CDH6: variants seen among roughly 807,000 people sequenced by gnomAD.
CDH6 encodes cadherin-6.
CDH6 carries 31 observed loss-of-function variants against 78.0 expected under a neutral mutation model. The ratio of observed to expected loss-of-function variants is 0.40; its 90% CI spans 0.30 to 0.54. The LOEUF (loss-of-function observed/expected upper bound fraction) is 0.54, where lower values mean the gene tolerates loss of function less well. CDH6 is among the 20% of genes least tolerant of loss of function. The pLI, the probability that CDH6 is intolerant of heterozygous loss-of-function variation, is 0.56. For missense variants in CDH6, 724 were observed against 975.9 expected (o/e 0.74, Z 3.44); for synonymous variants, 376 against 368.8 (o/e 1.02, Z -0.23).
At position 31,324,034 on chromosome 5, in the gene CDH6, AG is replaced by A. The variant is rs1561076608; in HGVS notation, c.*731del. ...GAAAGTTTGCCTTTGTACCATATAA[AG>A]GGGGAGGGAAATAGCTAATAATGTT... On this transcript the variant is annotated 3_prime_UTR_variant, in exon 12 of 12. Coordinates refer to ENST00000265071, the MANE Select transcript of CDH6 (RefSeq NM_004932.4). 3 of 225,754 alleles carry A rather than the reference AG, an allele frequency of 1.3e-5. No individual in the cohort carries two copies. The highest frequency in any genetic ancestry group is 6.7e-5 in the African/African-American group (3 of 45,018). 14.0% of individuals were successfully genotyped at this position (225,754 alleles called of 1,614,324 possible). A position where few individuals can be genotyped will look rare whatever the true frequency, so the allele number is the denominator to read the frequency against.
intron 1 of CDH6, among the ~76,000 whole-genome samples, chr5:31,219,074 G>A (rs536524942): frequency 1.3e-5 from 2 of 152,306 alleles, no homozygotes; most frequent in African/African-American, 2.4e-5. Flanking sequence ...CTTCCATAAT[G>A]TAGGAGGGCC....
At chr5:31,290,921 C>G (rs940879531) in intron 2 of CDH6, among the ~76,000 whole-genome samples, 1 of 152,224 alleles carries the variant, frequency 6.6e-6, no homozygotes, top group African/African-American at 2.4e-5. Flanking sequence ...CTTGCTCACA[C>G]TCTTCTCACT....
At chr5:31,203,410 A>G (rs1340394707) in intron 1 of CDH6, among the ~76,000 whole-genome samples, 1 of 82,696 alleles carries the variant, frequency 1.2e-5, no homozygotes, top group African/African-American at 4.9e-5. Flanking sequence ...CCCCCACCCC[A>G]CAACAGTCCC....
intron 1 of CDH6, among the ~76,000 whole-genome samples, chr5:31,201,872 A>C (rs1381116551): frequency 1.3e-5 from 2 of 152,194 alleles, no homozygotes; most frequent in Non-Finnish European, 2.9e-5. Context: ...ATTAAAACTT[A>C]CAGAGATTAA....
chr5:31,267,729 T>C, intron 2 of CDH6, 28 bp downstream of exon 2: 1 of 1,543,798 alleles, frequency 6.5e-7, no homozygotes, highest in Non-Finnish European at 9.0e-7. Flanking sequence ...GCTTTGACAT[T>C]CTGGGTTTAA....
At chr5:31,267,130 G>A (rs767359841) in intron 1 of CDH6, among the ~76,000 whole-genome samples, 31 of 152,030 alleles carry the variant, frequency 2.0e-4, no homozygotes, top group Non-Finnish European at 3.7e-4. Context: ...ATTTTTAAGC[G>A]GTAGAAAAGG....
At chr5:31,200,968 A>G (rs185618313) in intron 1 of CDH6, among the ~76,000 whole-genome samples, 1 of 152,300 alleles carries the variant, frequency 6.6e-6, no homozygotes, top group East Asian at 1.9e-4. Flanking sequence ...GAGATAACTG[A>G]TGACCAGAGA....
At chr5:31,282,768 G>C (rs1024784082) in intron 2 of CDH6, among the ~76,000 whole-genome samples, 14 of 152,168 alleles carry the variant, frequency 9.2e-5, no homozygotes, top group Non-Finnish European at 1.9e-4. Context: ...AAGGGAATTA[G>C]TAAATTTCTG....
intron 1 of CDH6, among the ~76,000 whole-genome samples, chr5:31,199,685 G>GTGTGTGTATATATATATATATA (rs796740950): frequency 1.3e-5 from 1 of 79,860 alleles, no homozygotes; most frequent in African/African-American, 4.7e-5. Context: ...GTGTGTGTGT[G>GTGTGTGTATATATATATATATA]TATATATATA....
At chr5:31,230,358 G>A (rs1406915430) in intron 1 of CDH6, among the ~76,000 whole-genome samples, 8 of 152,158 alleles carry the variant, frequency 5.3e-5, no homozygotes, top group African/African-American at 1.9e-4. Context: ...CACAGGCAGA[G>A]AATATCTTTT....
intron 11 of CDH6, among the ~76,000 whole-genome samples, chr5:31,320,883 G>T (rs1423480558): frequency 3.3e-5 from 5 of 151,780 alleles, no homozygotes; most frequent in Admixed American, 1.3e-4. Flanking sequence ...GGAGGCTGAG[G>T]CAGGAGAATT....
intron 1 of CDH6, among the ~76,000 whole-genome samples, chr5:31,226,966 G>C (rs1198680578): frequency 1.3e-5 from 2 of 152,242 alleles, no homozygotes; most frequent in Admixed American, 6.5e-5. Context: ...ATAAGAAAGG[G>C]CTGAGCCTGT....
chr5:31,224,587 C>G lies in CDH6; in HGVS notation c.-129+30701C>G, dbSNP rs184231416. Among the ~76,000 whole-genome samples, 201 of 152,298 alleles carry G rather than the reference C, an allele frequency of 1.3e-3. 1 individual carries two copies. The highest frequency in any genetic ancestry group is 4.6e-3 in the African/African-American group (191 of 41,556). On this transcript the variant is annotated intron_variant, in intron 1 of 11. Coordinates refer to ENST00000265071, the MANE Select transcript of CDH6 (RefSeq NM_004932.4). Reference sequence around the variant, plus strand: ...TGTTTGTCTGAGACAGGGTCTCACTCTGTCATCCAGGCTGGAGCACAGTGG... The same window carrying G: ...TGTTTGTCTGAGACAGGGTCTCACTGTGTCATCCAGGCTGGAGCACAGTGG...
chr5:31,255,657 A>T (rs1742035196), intron 1 of CDH6, among the ~76,000 whole-genome samples: 1 of 152,232 alleles, frequency 6.6e-6, no homozygotes, highest in Non-Finnish European at 1.5e-5. Context: ...ATTAGTGAAG[A>T]TGTCCACACC....
intron 11 of CDH6, among the ~76,000 whole-genome samples, chr5:31,319,255 G>A (rs58553870): frequency 0.019 from 2,825 of 152,104 alleles, 90 homozygotes; most frequent in African/African-American, 0.055. Context: ...ATCTACCTCC[G>A]CCTTTCATTT....
At chr5:31,255,102 T>G (rs1321687124) in intron 1 of CDH6, among the ~76,000 whole-genome samples, 1 of 152,240 alleles carries the variant, frequency 6.6e-6, no homozygotes, top group African/African-American at 2.4e-5. Context: ...TCTGATATTC[T>G]ACCATGGAAT....
At chr5:31,194,163 G>A (rs1284242956) in intron 1 of CDH6, among the ~76,000 whole-genome samples, 1 of 152,092 alleles carries the variant, frequency 6.6e-6, no homozygotes, top group Admixed American at 6.5e-5. Context: ...CCGCCGTGGG[G>A]CTGGGTGGGG....
chr5:31,279,518 C>A (rs928973017), intron 2 of CDH6, among the ~76,000 whole-genome samples: 11 of 152,158 alleles, frequency 7.2e-5, no homozygotes, highest in African/African-American at 2.6e-4. Flanking sequence ...CTGCAGTGAG[C>A]AAGATCATGC....
At position 31,237,271 on chromosome 5, in the gene CDH6, G is replaced by C. The variant is rs541691796; in HGVS notation, c.-128-30075G>C. ...AGGAGCTCTCAGTAGACTCTCAAGG[G>C]CATTGCACGAGGTAAGCAAATCTGT... On this transcript the variant is annotated intron_variant, in intron 1 of 11. Transcript: ENST00000265071. 2.0e-5 allele frequency among the ~76,000 whole-genome samples: 3 copies of C among 152,222 alleles called. No homozygotes were observed. The Middle Eastern group carries it at 0.01, about 518-fold the overall frequency.
Sources: allele counts gnomAD v4.1 joint callset (sites outside exome capture counted in the v4.1 genomes callset), GRCh38; gene constraint gnomAD v4.1.1; transcripts MANE v1.5; gene names NCBI Gene and HGNC (gene_info 2026-07-23, HGNC 2026-07-21).